The following DEPTOR variants were observed in gnomAD, a reference collection of about 807,000 sequenced individuals.
The protein encoded by DEPTOR is DEP domain-containing mTOR-interacting protein.
Under a neutral mutation model 41.6 loss-of-function variants are expected in DEPTOR, and 41 were observed. The ratio of observed to expected loss-of-function variants is 0.98; its 90% CI spans 0.77 to 1.28. DEPTOR has a LOEUF of 1.28. Among genes scored for constraint, DEPTOR ranks in the 50% most tolerant of loss-of-function variants. The pLI, the probability that DEPTOR is intolerant of heterozygous loss-of-function variation, is 0.00. For missense variants in DEPTOR, 514 were observed against 527.9 expected (o/e 0.97, Z 0.26); for synonymous variants, 195 against 192.3 (o/e 1.01, Z -0.12).
intron 1 of DEPTOR, among the ~76,000 whole-genome samples, chr8:119,922,631 T>C (rs896738671): frequency 6.6e-6 from 1 of 152,210 alleles, no homozygotes; most frequent in Admixed American, 6.5e-5. Context: ...GGTTTTAGAA[T>C]TGACTGCCTC....
chr8:119,918,863 G>C (rs577094970), intron 1 of DEPTOR, among the ~76,000 whole-genome samples: 2 of 152,122 alleles, frequency 1.3e-5, no homozygotes, highest in East Asian at 1.9e-4. Flanking sequence ...CAAAATGCTG[G>C]GACTACAGGC....
chr8:119,932,286 A>C (rs770779011), intron 3 of DEPTOR, among the ~76,000 whole-genome samples: 4 of 151,750 alleles, frequency 2.6e-5, no homozygotes, highest in Non-Finnish European at 5.9e-5. Flanking sequence ...CACCTATAAC[A>C]CTCTTCTCTA....
chr8:119,922,923 G>A (rs1262273814), intron 1 of DEPTOR, among the ~76,000 whole-genome samples: 1 of 152,184 alleles, frequency 6.6e-6, no homozygotes, highest in Admixed American at 6.5e-5. Context: ...TAGGGATAGT[G>A]TGTAGTGCTT....
At chr8:120,012,322 G>A (rs907396204) in intron 8 of DEPTOR, among the ~76,000 whole-genome samples, 4 of 152,078 alleles carry the variant, frequency 2.6e-5, no homozygotes, top group African/African-American at 7.2e-5. Flanking sequence ...AAACCTGGGT[G>A]GTATAGCCTA....
intron 1 of DEPTOR, among the ~76,000 whole-genome samples, chr8:119,914,036 T>G (rs1341304246): frequency 6.7e-6 from 1 of 150,302 alleles, no homozygotes; most frequent in Non-Finnish European, 1.5e-5. Flanking sequence ...TTCTTTTCTT[T>G]TTTTTTTTTT....
At chr8:119,989,582 GTAAACTGGGAATCA>G (rs1317081784) in intron 4 of DEPTOR, among the ~76,000 whole-genome samples, 1 of 152,136 alleles carries the variant, frequency 6.6e-6, no homozygotes, top group East Asian at 1.9e-4. Flanking sequence ...TTCCTTATCT[GTAAACTGGGAATCA>G]TAATATGGGA....
At chr8:119,967,585 T>A (rs1318832030) in intron 4 of DEPTOR, among the ~76,000 whole-genome samples, 2 of 151,430 alleles carry the variant, frequency 1.3e-5, no homozygotes, top group East Asian at 4.0e-4. Context: ...AAACCCCATC[T>A]CTACTAAAAA....
intron 6 of DEPTOR, among the ~76,000 whole-genome samples, chr8:120,005,199 G>A (rs1442778496): frequency 6.6e-6 from 1 of 151,990 alleles, no homozygotes; most frequent in African/African-American, 2.4e-5. Context: ...TACCTGACAG[G>A]GAATAAAAAA....
intron 1 of DEPTOR, among the ~76,000 whole-genome samples, chr8:119,927,665 A>G (rs1483797867): frequency 1.3e-5 from 2 of 150,860 alleles, no homozygotes; most frequent in East Asian, 1.9e-4. Flanking sequence ...CTGGAGTGCA[A>G]TGGCACGATC....
chr8:119,886,452 C>CA (rs1348426726), intron 1 of DEPTOR, among the ~76,000 whole-genome samples: 1 of 116,908 alleles, frequency 8.6e-6, no homozygotes, highest in African/African-American at 3.2e-5. Flanking sequence ...AGTACACACA[C>CA]ACAGACACAC....
At chr8:119,930,068 T>C in intron 3 of DEPTOR, 130 bp downstream of exon 3, 3 of 1,091,180 alleles carry the variant, frequency 2.7e-6, no homozygotes, top group Non-Finnish European at 3.7e-6. Context: ...CTTTTCCATA[T>C]GAGAAAACTA....
intron 8 of DEPTOR, among the ~76,000 whole-genome samples, chr8:120,035,391 C>T (rs1186682883): frequency 1.3e-5 from 2 of 152,100 alleles, no homozygotes; most frequent in Admixed American, 6.6e-5. Context: ...TCCCATCCCA[C>T]TCAAAATTAC....
intron 1 of DEPTOR, among the ~76,000 whole-genome samples, chr8:119,882,339 T>G (rs1038502189): frequency 2.0e-5 from 3 of 152,246 alleles, no homozygotes; most frequent in South Asian, 4.1e-4. Context: ...GTGTTATTTC[T>G]TTTTTAATTT....
intron 1 of DEPTOR, among the ~76,000 whole-genome samples, chr8:119,885,019 G>A (rs188932376): frequency 2.0e-5 from 3 of 152,242 alleles, no homozygotes; most frequent in Admixed American, 2.0e-4. Context: ...CAGGCAATCG[G>A]CCCGTTTTGG....
At chr8:120,042,960 C>T (rs1813099893) in intron 8 of DEPTOR, among the ~76,000 whole-genome samples, 1 of 152,022 alleles carries the variant, frequency 6.6e-6, no homozygotes, top group Non-Finnish European at 1.5e-5. Flanking sequence ...AAGTGATTCT[C>T]CTGCCTCAGC....
At chr8:120,009,337 G>A (rs1812496257) in intron 8 of DEPTOR, among the ~76,000 whole-genome samples, 1 of 152,084 alleles carries the variant, frequency 6.6e-6, no homozygotes, top group South Asian at 2.1e-4. Flanking sequence ...GTCTAGCCAG[G>A]CGCGGTGGCT....
chr8:119,950,115 C>T (rs1277332740), intron 3 of DEPTOR, among the ~76,000 whole-genome samples: 1 of 152,194 alleles, frequency 6.6e-6, no homozygotes, highest in Non-Finnish European at 1.5e-5. Context: ...TGTCCCTGCA[C>T]CATCTGTCGA....
intron 1 of DEPTOR, among the ~76,000 whole-genome samples, chr8:119,889,075 TA>T (rs1464002356): frequency 6.6e-6 from 1 of 151,718 alleles, no homozygotes; most frequent in Non-Finnish European, 1.5e-5. Context: ...ATAACTTTAA[TA>T]AATATACTGA....
chr8:119,994,916 C>CA (rs59495312), intron 4 of DEPTOR, among the ~76,000 whole-genome samples: 4,172 of 51,122 alleles, frequency 0.082, 162 homozygotes, highest in African/African-American at 0.19. Flanking sequence ...GACTCTGTCT[C>CA]AAAAAAAAAA....
Sources: gnomAD v4.1 joint callset for allele counts (sites outside exome capture counted in the v4.1 genomes callset) on GRCh38, gnomAD v4.1.1 for gene constraint, MANE v1.5 for transcripts, NCBI Gene and HGNC (gene_info 2026-07-23, HGNC 2026-07-21) for gene names.